CHCHD3: variants seen among roughly 807,000 people sequenced by gnomAD.
CHCHD3 encodes the protein MICOS complex subunit MIC19.
In CHCHD3, 20 loss-of-function variants were observed where a neutral mutation model predicts 38.2. The observed-to-expected ratio is 0.52, with a 90% CI of 0.37 to 0.76. The LOEUF is 0.76. Among genes scored for constraint, CHCHD3 ranks in the 30% least tolerant of loss-of-function variants. CHCHD3 has a pLI of 0.00. For missense variants in CHCHD3, 245 were observed against 279.2 expected, an observed-to-expected ratio of 0.88 and a Z score of 0.87; for synonymous variants, 82 against 100.0, an observed-to-expected ratio of 0.82 and a Z score of 1.07.
At chr7:133,055,152 T>C (rs973883649) in intron 2 of CHCHD3, among the ~76,000 whole-genome samples, 7 of 151,616 alleles carry the variant, frequency 4.6e-5, no homozygotes, top group Admixed American at 2.6e-4. Context: ...CAGTGAGACC[T>C]CATCTCTTTA....
intron 5 of CHCHD3, among the ~76,000 whole-genome samples, chr7:132,863,718 G>C (rs950453088): frequency 6.6e-6 from 1 of 152,228 alleles, no homozygotes; most frequent in Non-Finnish European, 1.5e-5. Flanking sequence ...ATCAATGACA[G>C]TAGGCAGATT....
At chr7:132,908,314 T>C (rs998024103) in intron 4 of CHCHD3, among the ~76,000 whole-genome samples, 1 of 152,120 alleles carries the variant, frequency 6.6e-6, no homozygotes, top group Admixed American at 6.5e-5. Flanking sequence ...AAAATTCAAA[T>C]TTGCAAATTT....
intron 2 of CHCHD3, among the ~76,000 whole-genome samples, chr7:133,029,674 G>A (rs1360517131): frequency 6.6e-6 from 1 of 152,158 alleles, no homozygotes; most frequent in African/African-American, 2.4e-5. Context: ...CCATCCAGGT[G>A]AGAATGTGGA....
chr7:133,014,369 C>T (rs1324755938), intron 3 of CHCHD3, among the ~76,000 whole-genome samples: 5 of 151,656 alleles, frequency 3.3e-5, no homozygotes, highest in Non-Finnish European at 5.9e-5. Flanking sequence ...ATGGTTGCAG[C>T]CTCAAGGATT....
In CHCHD3 at chr7:132,974,658, A is replaced by G. The variant is rs1585689830; in HGVS notation, c.369+511T>C. 2.6e-5 allele frequency among the ~76,000 whole-genome samples: 4 copies of G among 152,216 alleles called. No individual in the cohort carries two copies. In the South Asian group the frequency reaches 6.2e-4, roughly 24 times the overall value. ...TGGGAAGCCGAGGCGGGTGGATCAC[A>G]TGGTCAGGAGTTCAAGACCAGCCTG... On this transcript the variant is annotated intron_variant, in intron 4 of 7. Coordinates refer to ENST00000262570, the MANE Select transcript of CHCHD3 (RefSeq NM_017812.4).
chr7:132,846,184 G>C (rs907779582), intron 5 of CHCHD3, among the ~76,000 whole-genome samples: 2 of 152,196 alleles, frequency 1.3e-5, no homozygotes, highest in African/African-American at 2.4e-5. Flanking sequence ...GGCTGTGTTT[G>C]TGTCTTGCTC....
In CHCHD3 at chr7:132,860,795, TG is replaced by T. The variant is rs1386088257; in HGVS notation, c.454-22327del. On this transcript the variant is annotated intron_variant, in intron 5 of 7. Transcript: ENST00000262570. ...GTGCATGCCACACCTGGCTAATTTT[TG>T]TATTTTTAGTAGAGACAAGGTTTCA... Among the ~76,000 whole-genome samples the T allele has an allele frequency of 3.3e-5, 5 of 152,280 alleles. No individual in the cohort carries two copies. In the South Asian group the frequency reaches 6.2e-4, roughly 19 times the overall value.
At chr7:133,010,346 G>A (rs749181933) in intron 3 of CHCHD3, among the ~76,000 whole-genome samples, 2 of 152,068 alleles carry the variant, frequency 1.3e-5, no homozygotes, top group Non-Finnish European at 2.9e-5. Context: ...GAGGGCTCTC[G>A]GGGAGTTCAG....
intron 3 of CHCHD3, among the ~76,000 whole-genome samples, chr7:133,009,797 A>G (rs74939204): frequency 0.065 from 9,934 of 152,242 alleles, 454 homozygotes; most frequent in East Asian, 0.16. Context: ...GTAAGTGCAA[A>G]CTATAGTACA....
intron 4 of CHCHD3, among the ~76,000 whole-genome samples, chr7:132,899,761 C>T (rs1278970071): frequency 6.6e-6 from 1 of 152,246 alleles, no homozygotes; most frequent in Non-Finnish European, 1.5e-5. Flanking sequence ...TATAGCAGAT[C>T]ACCTCACCTT....
At chr7:132,998,849 T>C (rs982076414) in intron 3 of CHCHD3, among the ~76,000 whole-genome samples, 5 of 152,160 alleles carry the variant, frequency 3.3e-5, no homozygotes, top group Admixed American at 2.6e-4. Flanking sequence ...GCACAGATTA[T>C]TGGATTTGTC....
intron 3 of CHCHD3, among the ~76,000 whole-genome samples, chr7:132,978,730 C>T (rs749620864): frequency 1.3e-5 from 2 of 152,178 alleles, no homozygotes; most frequent in Non-Finnish European, 2.9e-5. Flanking sequence ...TAGCCTACAA[C>T]AGGAGGTGCC....
chr7:133,018,666 T>G lies in CHCHD3; in HGVS notation c.251+5880A>C, dbSNP rs565319782. On this transcript the variant is annotated intron_variant, in intron 3 of 7. Transcript: ENST00000262570. ...AGATTTTTAAGACAAGTATCTATAGTCTCTGGTCAGTAGCCAATTTCAAAG... is the reference window on the plus strand; with the variant it reads ...AGATTTTTAAGACAAGTATCTATAGGCTCTGGTCAGTAGCCAATTTCAAAG... Among the ~76,000 whole-genome samples the G allele has an allele frequency of 3.9e-5, 6 of 152,262 alleles. No homozygotes were observed. The South Asian group carries it at 1.2e-3, about 32-fold the overall frequency.
intron 3 of CHCHD3, among the ~76,000 whole-genome samples, chr7:132,999,230 A>G (rs543340441): frequency 4.6e-5 from 7 of 152,316 alleles, no homozygotes; most frequent in South Asian, 2.1e-4. Context: ...GAGTTAGAAT[A>G]TCTGGGTTTT....
chr7:132,885,772 A>G, intron 4 of CHCHD3, 27 bp from the exon 5 acceptor site: 3 of 1,519,472 alleles, frequency 2.0e-6, no homozygotes, highest in South Asian at 1.3e-5. Flanking sequence ...GGAATATACT[A>G]TATCAAGAAA....
intron 3 of CHCHD3, among the ~76,000 whole-genome samples, chr7:132,984,784 C>A (rs1383274040): frequency 2.1e-5 from 3 of 145,918 alleles, no homozygotes; most frequent in Admixed American, 6.8e-5. Context: ...CCCCTCCGCC[C>A]GGCAGCCACT....
At chr7:132,901,486 G>A (rs2117203410) in intron 4 of CHCHD3, among the ~76,000 whole-genome samples, 1 of 152,308 alleles carries the variant, frequency 6.6e-6, no homozygotes, top group East Asian at 1.9e-4. Context: ...CCACAGGAGG[G>A]AGGCAGGGGG....
Position 132,973,710 on chromosome 7 carries a change from C to T in CHCHD3, c.369+1459G>A, listed in dbSNP as rs573204521. The T allele has an allele frequency of 2.7e-5, 27 of 1,013,272 alleles. No homozygotes were observed. In the East Asian group the frequency reaches 2.4e-3, roughly 91 times the overall value. 62.8% of individuals were successfully genotyped at this position (1,013,272 alleles called of 1,614,324 possible). Reference sequence around the variant, plus strand: ...TTACGCATGGACTTCCTTTCATGTTCTCTGTTTGCAGCTGGTCATGGGTTG... The same window carrying T: ...TTACGCATGGACTTCCTTTCATGTTTTCTGTTTGCAGCTGGTCATGGGTTG... On this transcript the variant is annotated intron_variant, in intron 4 of 7. Transcript: ENST00000262570.
rs747858457 is a variant in CHCHD3 at position 132,940,530 on chromosome 7, G to A, written c.369+34639C>T. On this transcript the variant is annotated intron_variant, in intron 4 of 7. Coordinates refer to ENST00000262570, the MANE Select transcript of CHCHD3 (RefSeq NM_017812.4). ...TTGAAAGTGGTGGAGCGGTTCAGGG[G>A]TTTGGTTTTGTTGTAGGAATAAACC... 6.6e-5 allele frequency among the ~76,000 whole-genome samples: 10 copies of A among 152,192 alleles called. No homozygotes were observed. In the South Asian group the frequency reaches 1.4e-3, roughly 22 times the overall value.
Sources: gnomAD v4.1 joint callset for allele counts (sites outside exome capture counted in the v4.1 genomes callset) on GRCh38, gnomAD v4.1.1 for gene constraint, MANE v1.5 for transcripts, NCBI Gene and HGNC (gene_info 2026-07-23, HGNC 2026-07-21) for gene names.